The following AHNAK2 variants were observed in gnomAD, a reference collection of about 807,000 sequenced individuals.
AHNAK2 encodes the protein protein AHNAK2.
In AHNAK2, 18 loss-of-function variants were observed where a neutral mutation model predicts 30.7. The ratio of observed to expected loss-of-function variants is 0.59; its 90% CI spans 0.41 to 0.87. The LOEUF (loss-of-function observed/expected upper bound fraction) is 0.87, where lower values mean the gene tolerates loss of function less well. Among genes scored for constraint, AHNAK2 ranks in the 40% least tolerant of loss-of-function variants. AHNAK2 has a pLI of 0.00. For missense variants in AHNAK2, 8,604 were observed against 7,373.0 expected, an observed-to-expected ratio of 1.17 and a Z score of -6.11; for synonymous variants, 3,590 against 3,073.8, an observed-to-expected ratio of 1.17 and a Z score of -5.56.
rs1312968582 is a variant in AHNAK2 at position 104,957,667 on chromosome 14, C to T, written c.61G>A (p.Gly21Ser). The T allele has an allele frequency of 4.3e-6, 7 of 1,610,308 alleles. No homozygotes were observed. Among genetic ancestry groups the T allele is most frequent in the Non-Finnish European group, 5.9e-6 (7 of 1,178,956 alleles). Reference protein sequence around the residue: ...TWPGTPGSVSGRQLQPGEPGA... With the variant: ...TWPGTPGSVSSRQLQPGEPGA... Reference sequence around the variant, plus strand: ...GGCTCCCCGGGCTGCAGCTGACGGCCGGACACTGCAGAGAGAGTGGCTGTC... The same window carrying T: ...GGCTCCCCGGGCTGCAGCTGACGGCTGGACACTGCAGAGAGAGTGGCTGTC... Residue 21 changes from glycine to serine, a missense_variant, in exon 2 of 7, where the codon GGC (glycine) becomes AGC (serine). Transcript: ENST00000333244.
rs572809424 is a variant in AHNAK2, at chr14:104,951,038, A to G, written c.4413T>C (p.Asp1471=). Residue 1471 remains aspartate, a synonymous_variant, in exon 7 of 7, where the codon GAT becomes GAC. Transcript: ENST00000333244. The part of the protein sequence containing the change: ...VDVEAPGAKL[D]GGRLEEDMSL... ...ACATGTCCTCCTCCAGCCGTCCACCATCCAGCTTGGCTCCTGGGGCCTCGA... is the reference window on the plus strand; with the variant it reads ...ACATGTCCTCCTCCAGCCGTCCACCGTCCAGCTTGGCTCCTGGGGCCTCGA... 277 of 1,062,242 alleles carry G rather than the reference A, an allele frequency of 2.6e-4. 96 individuals carry two copies. The South Asian group carries it at 2.9e-3, about 11-fold the overall frequency. The allele number at this position is 1,062,242 out of a possible 1,614,324, so 65.8% of individuals were successfully genotyped here.
chr14:104,954,269 T>G lies in AHNAK2; in HGVS notation c.1182A>C (p.Pro394=), dbSNP rs751601538. The change falls in exon 7 of 7, where the codon CCA becomes CCC. Residue 394 remains proline, a synonymous_variant. Transcript: ENST00000333244. The surrounding 1 kb of genome is among the most constrained non-coding windows in gnomAD (Gnocchi z 4.3). ...TAGGGTCACCGAGCTCTGTGGGCAA[T>G]GGCATGCTCTGAGCAGGCATCACTT... The part of the protein sequence containing the change: ...DREVMPAQSM[P]LPTELGDPRL... The G allele has an allele frequency of 4.3e-6, 7 of 1,613,186 alleles. No individual in the cohort carries two copies. In the Admixed American group the frequency reaches 1.2e-4, roughly 27 times the overall value.
In AHNAK2 at chr14:104,962,941, A is replaced by G. The variant is rs116521397; in HGVS notation, c.56-5269T>C. 1.8e-3 allele frequency among the ~76,000 whole-genome samples: 280 copies of G among 152,300 alleles called. 2 individuals are homozygous for G. The highest frequency in any genetic ancestry group is 6.5e-3 in the African/African-American group (270 of 41,546). ...GAAAATATAGGAGAACTTCTTTAACACCTCGAGGGCAGCAAAGTTTTCTTA... is the reference window on the plus strand; with the variant it reads ...GAAAATATAGGAGAACTTCTTTAACGCCTCGAGGGCAGCAAAGTTTTCTTA... On this transcript the variant is annotated intron_variant, in intron 1 of 6. Coordinates refer to ENST00000333244, the MANE Select transcript of AHNAK2 (RefSeq NM_138420.4).
At chr14:104,973,345 G>A (rs1466569603) in intron 1 of AHNAK2, among the ~76,000 whole-genome samples, 3 of 152,230 alleles carry the variant, frequency 2.0e-5, no homozygotes, top group Non-Finnish European at 4.4e-5. Context: ...AATCAGCCGG[G>A]AGGAGGCCAA....
In AHNAK2 at chr14:104,944,479, C is replaced by A; in HGVS notation, c.10972G>T (p.Glu3658Ter). Residue 3658 changes from glutamate to a stop codon, truncating the protein, a stop_gained, in exon 7 of 7, where the codon GAG becomes TAG. Coordinates refer to ENST00000333244, the MANE Select transcript of AHNAK2 (RefSeq NM_138420.4). LOFTEE classifies it low-confidence loss of function (END_TRUNC). ...GGTGCAGACACATCCACCGAGGCCTCCATGGACTTCCCTGGGGCCGATACC... is the reference window on the plus strand; with the variant it reads ...GGTGCAGACACATCCACCGAGGCCTACATGGACTTCCCTGGGGCCGATACC... Reference protein sequence around the residue: ...FRVSAPGKSMEASVDVSAPKV... With the variant: ...FRVSAPGKSM 6.2e-7 allele frequency: 1 copy of A among 1,613,272 alleles called. No homozygotes were observed. The highest frequency in any genetic ancestry group is 2.2e-5 in the East Asian group (1 of 44,802).
At chr14:104,962,957 A>C (rs1899191066) in intron 1 of AHNAK2, among the ~76,000 whole-genome samples, 1 of 152,222 alleles carries the variant, frequency 6.6e-6, no homozygotes, top group Non-Finnish European at 1.5e-5. Context: ...AGGGCAGCAA[A>C]GTTTTCTTAG....
Position 104,946,112 on chromosome 14 carries a change from G to A in AHNAK2, c.9339C>T (p.Val3113=), listed in dbSNP as rs747532273. ...CATCCAACTTGGCTCCTGGGGCCTC[G>A]ACATCCACCTCCATGCCGGGCTGAG... ...EVSQPGMEVD[V]EAPGAKLDGA... is the part of the protein sequence containing the mutation. Residue 3113 remains valine, a synonymous_variant, in exon 7 of 7, where the codon GTC becomes GTT. Transcript: ENST00000333244. The A allele has an allele frequency of 2.2e-5, 36 of 1,611,448 alleles. 1 individual carries two copies. Among genetic ancestry groups the A allele is most frequent in the Middle Eastern group, 3.3e-4 (2 of 6,060 alleles).
chr14:104,950,015 G>T lies in AHNAK2; in HGVS notation c.5436C>A (p.Ala1812=), dbSNP rs568299504. 1 of 1,585,482 alleles carries T rather than the reference G, an allele frequency of 6.3e-7. No homozygotes were observed. The part of the protein sequence containing the change: ...SVRLEGDLSL[A]DKDVTAKDSK... ...TGTCTTTGGCAGTCACATCCTTGTC[G>T]GCCAGGGACAGGTCACCCTCCAGCC... Residue 1812 remains alanine (A), a synonymous_variant, in exon 7 of 7, where the codon GCC becomes GCA. Transcript: ENST00000333244.
At chr14:104,968,887 A>G (rs892050034) in intron 1 of AHNAK2, among the ~76,000 whole-genome samples, 3 of 152,064 alleles carry the variant, frequency 2.0e-5, no homozygotes, top group Admixed American at 1.3e-4. Flanking sequence ...GACAGCCCAG[A>G]GTGAGGCCAT....
rs1046532327 is a variant in AHNAK2 at position 104,955,373 on chromosome 14, G to C, written c.466+110C>G. On this transcript the variant is annotated intron_variant, in intron 5 of 6. Coordinates refer to ENST00000333244, the MANE Select transcript of AHNAK2 (RefSeq NM_138420.4). ...TCAAGCTGTTGAGCAGAGGCGTGAG[G>C]AGGTCATCCTAAGCTCCAGGTGTGG... 3 of 1,448,550 alleles carry C rather than the reference G, an allele frequency of 2.1e-6. No individual in the cohort carries two copies. The East Asian group carries it at 6.9e-5, about 33-fold the overall frequency. The allele number at this position is 1,448,550 out of a possible 1,614,324, so 89.7% of individuals were successfully genotyped here.
intron 1 of AHNAK2, among the ~76,000 whole-genome samples, chr14:104,969,013 A>G (rs1313957408): frequency 6.6e-6 from 1 of 152,150 alleles, no homozygotes; most frequent in Non-Finnish European, 1.5e-5. Context: ...GAACTTCATG[A>G]AGAAGGTGCC....
intron 5 of AHNAK2, 32 bp from the exon 6 acceptor site, chr14:104,955,173 G>T: frequency 1.3e-6 from 2 of 1,578,252 alleles, no homozygotes; most frequent in Non-Finnish European, 1.7e-6. Flanking sequence ...CCAGGGCCGG[G>T]TGTGTGAATG....
rs199979952 is a variant in AHNAK2, at chr14:104,949,864, G to T, written c.5587C>A (p.Gln1863Lys). ...AGGTCCGTGGTCTTGAGGTCCCCCT[G>T]CATGGAGGGGAGGCTCACTTCGGCC... ...VEAEVSLPSM[Q>K]GDLKTTDLCI... The change falls in exon 7 of 7, where the codon CAG (glutamine) becomes AAG (lysine). Residue 1863 changes from glutamine (Q) to lysine (K), a missense_variant. By Grantham distance (53) the Gln-to-Lys change is moderately conservative. Coordinates refer to ENST00000333244, the MANE Select transcript of AHNAK2 (RefSeq NM_138420.4). The T allele has an allele frequency of 2.5e-4, 396 of 1,588,176 alleles. 47 individuals carry two copies. Among genetic ancestry groups the T allele is most frequent in the Non-Finnish European group, 3.3e-4 (382 of 1,163,286 alleles).
At chr14:104,965,943 G>A (rs370967219) in intron 1 of AHNAK2, among the ~76,000 whole-genome samples, 1 of 152,134 alleles carries the variant, frequency 6.6e-6, no homozygotes, top group Non-Finnish European at 1.5e-5. Flanking sequence ...CACTGCTCCC[G>A]CAGAGGCACC....
Position 104,944,832 on chromosome 14 carries a change from TC to T in AHNAK2, c.10618del (p.Glu3540AsnfsTer25). 3 of 1,612,364 alleles carry T rather than the reference TC, an allele frequency of 1.9e-6. No homozygotes were observed. The highest frequency in any genetic ancestry group is 2.5e-6 in the Non-Finnish European group (3 of 1,179,424). ...LEVQAVQVDV[E>X]LLEGPVPEGA... is the part of the protein sequence containing the mutation. Reference sequence around the variant, plus strand: ...CTCGGGCACGGGGCCCTCCAGGAGTTCCACATCCACTTGGACAGCCTGGACC... The same window carrying T: ...CTCGGGCACGGGGCCCTCCAGGAGTTCACATCCACTTGGACAGCCTGGACC... On this transcript the variant is annotated frameshift_variant, in exon 7 of 7. Coordinates refer to ENST00000333244, the MANE Select transcript of AHNAK2 (RefSeq NM_138420.4). LOFTEE classifies it low-confidence loss of function (END_TRUNC).
chr14:104,949,761 G>T lies in AHNAK2; in HGVS notation c.5690C>A (p.Pro1897His), dbSNP rs781270466. 1.0e-5 allele frequency: 16 copies of T among 1,587,468 alleles called. 2 individuals are homozygous for T. Among genetic ancestry groups the T allele is most frequent in the Non-Finnish European group, 1.3e-5 (15 of 1,163,154 alleles). The change falls in exon 7 of 7, where the codon CCC (proline) becomes CAC (histidine). Residue 1897 changes from proline to histidine, a missense_variant. Coordinates refer to ENST00000333244, the MANE Select transcript of AHNAK2 (RefSeq NM_138420.4). ...VDMKLPEGQV[P>H]EGAGLKGHLP... ...GTGCCCTTTGAGGCCGGCTCCCTCG[G>T]GCACCTGGCCCTCCGGGAGCTTCAT...
chr14:104,946,806 G>T lies in AHNAK2; in HGVS notation c.8645C>A (p.Pro2882Gln). The change falls in exon 7 of 7, where the codon CCA becomes CAA. Residue 2882 changes from proline (P) to glutamine (Q), a missense_variant. Coordinates refer to ENST00000333244, the MANE Select transcript of AHNAK2 (RefSeq NM_138420.4). ...VQAGQVDVKL[P>Q]EGHVPEGAGL... ...GGCTCCCTCGGGAACGTGGCCCTCTGGGAGTTTCACGTCCACCTGGCCAGC... is the reference window on the plus strand; with the variant it reads ...GGCTCCCTCGGGAACGTGGCCCTCTTGGAGTTTCACGTCCACCTGGCCAGC... 6.4e-7 allele frequency: 1 copy of T among 1,572,404 alleles called. No homozygotes were observed. The highest frequency in any genetic ancestry group is 8.6e-7 in the Non-Finnish European group (1 of 1,164,532).
rs200869281 is a variant in AHNAK2 at position 104,942,458 on chromosome 14, G to C, written c.12993C>G (p.Asp4331Glu). The C allele has an allele frequency of 2.5e-6, 4 of 1,612,820 alleles. No homozygotes were observed. The highest frequency in any genetic ancestry group is 1.7e-4 in the Middle Eastern group (1 of 6,046). Residue 4331 changes from aspartate to glutamate, a missense_variant, in exon 7 of 7, where the codon GAC (aspartate) becomes GAG (glutamate). Transcript: ENST00000333244. ...LDVSALKVEA[D>E]VSLPSMQGDL... ...CCCCCTGCATGGAGGGGAGGCTCAC[G>C]TCAGCCTCCACCTTCAGCGCAGACA...
Position 104,947,306 on chromosome 14 carries a change from T to G in AHNAK2, c.8145A>C (p.Lys2715Asn). ...LEVQAGQVDV[K>N]LPEGHVPEGA... is the part of the protein sequence containing the mutation. ...CCTCGGGAACGTGGCCCTCTGGGAG[T>G]TTCACATCCACCTGGCCAGCCTGGA... The change falls in exon 7 of 7, where the codon AAA (lysine) becomes AAC (asparagine). Residue 2715 changes from lysine to asparagine, a missense_variant. Coordinates refer to ENST00000333244, the MANE Select transcript of AHNAK2 (RefSeq NM_138420.4). The G allele has an allele frequency of 2.5e-6, 4 of 1,610,280 alleles. No homozygotes were observed. The highest frequency in any genetic ancestry group is 3.4e-6 in the Non-Finnish European group (4 of 1,178,972).
Sources: allele counts gnomAD v4.1 joint callset (sites outside exome capture counted in the v4.1 genomes callset), GRCh38; gene constraint gnomAD v4.1.1; non-coding constraint Gnocchi (gnomAD v3.1); transcripts MANE v1.5; gene names NCBI Gene and HGNC (gene_info 2026-07-23, HGNC 2026-07-21).